The following LRRC61 variants were observed in gnomAD, a reference collection of about 807,000 sequenced individuals.
The protein encoded by LRRC61 is leucine-rich repeat-containing protein 61.
A neutral mutation model predicts 15.1 loss-of-function variants in LRRC61; 9 were observed. That is an observed-to-expected ratio of 0.60 (90% confidence interval 0.36 to 1.04). LRRC61 has a LOEUF of 1.04. Among genes scored for constraint, LRRC61 ranks in the 50% least tolerant of loss-of-function variants. LRRC61 has a pLI of 0.01. For missense variants in LRRC61, 344 were observed against 335.6 expected, an observed-to-expected ratio of 1.03 and a Z score of -0.20; for synonymous variants, 173 against 158.6, an observed-to-expected ratio of 1.09 and a Z score of -0.68.
At chr7:150,321,850 G>A (rs1053258605), upstream of LRRC61, among the ~76,000 whole-genome samples, 1 of 152,240 alleles carries the variant, frequency 6.6e-6, no homozygotes, top group Non-Finnish European at 1.5e-5. Context: ...GACTGGCTTG[G>A]CATTAATTTG....
chr7:150,332,055 A>G (rs2129618313), intron 2 of LRRC61: 1 of 167,196 alleles, frequency 6.0e-6, no homozygotes, highest in East Asian at 1.9e-4. Context: ...CAGCCTCAGT[A>G]GCTTTCCTGG....
the LRRC61 span, among the ~76,000 whole-genome samples, chr7:150,316,142 A>G: frequency 6.6e-6 from 1 of 152,242 alleles, no homozygotes; most frequent in Non-Finnish European, 1.5e-5. Flanking sequence ...GGTTGCAGTG[A>G]GCCGAGATCA....
chr7:150,320,521 G>C (rs1403097402), upstream of LRRC61, among the ~76,000 whole-genome samples: 1 of 152,194 alleles, frequency 6.6e-6, no homozygotes. Context: ...CCAGCACTTC[G>C]GGAGGCTGAG....
At chr7:150,331,125 T>G (rs1212929170) in intron 2 of LRRC61, 2 of 1,605,092 alleles carry the variant, frequency 1.2e-6, no homozygotes, top group Non-Finnish European at 1.7e-6. Flanking sequence ...AAAGCATCTT[T>G]GCCTCCCTGA....
chr7:150,315,219 A>G, the LRRC61 span, among the ~76,000 whole-genome samples: 1 of 151,736 alleles, frequency 6.6e-6, no homozygotes, highest in Admixed American at 6.6e-5. Flanking sequence ...AGCAATGACT[A>G]TAAAAGACTG....
At chr7:150,314,334 A>G in the LRRC61 span, among the ~76,000 whole-genome samples, 2 of 152,172 alleles carry the variant, frequency 1.3e-5, no homozygotes, top group Non-Finnish European at 2.9e-5. Context: ...ACACCTTAGA[A>G]AATGCATTTT....
chr7:150,313,942 TG>T, the LRRC61 span, among the ~76,000 whole-genome samples: 1 of 152,186 alleles, frequency 6.6e-6, no homozygotes, highest in African/African-American at 2.4e-5. Context: ...AAGATGCACC[TG>T]GGTAAGTGTT....
chr7:150,312,684 G>A, the LRRC61 span, among the ~76,000 whole-genome samples: 4 of 152,256 alleles, frequency 2.6e-5, no homozygotes, highest in South Asian at 8.3e-4. Flanking sequence ...TCTTTAAGGT[G>A]TCCATGCAGT....
At chr7:150,310,509 TC>T in the LRRC61 span, among the ~76,000 whole-genome samples, 2 of 144,286 alleles carry the variant, frequency 1.4e-5, no homozygotes, top group African/African-American at 5.9e-5. Context: ...AATCAAATTG[TC>T]CTTCCCAACC....
upstream of LRRC61, among the ~76,000 whole-genome samples, chr7:150,321,288 T>C (rs931109025): frequency 1.5e-4 from 23 of 152,262 alleles, no homozygotes; most frequent in Non-Finnish European, 1.5e-5. Context: ...GCAGCTGTTC[T>C]TGAATAAAGT....
chr7:150,336,245 G>A (rs1798285952), intron 2 of LRRC61, among the ~76,000 whole-genome samples: 1 of 152,190 alleles, frequency 6.6e-6, no homozygotes, highest in Non-Finnish European at 1.5e-5. Context: ...CAGTAATACT[G>A]AGTGAATCAA....
chr7:150,320,648 A>G (rs1300429381), upstream of LRRC61, among the ~76,000 whole-genome samples: 2 of 152,202 alleles, frequency 1.3e-5, no homozygotes, highest in African/African-American at 4.8e-5. Context: ...CTGTAATTCC[A>G]GCTACTTCGA....
rs144138287 is a variant in LRRC61 at position 150,337,391 on chromosome 7, G to A, written c.530G>A (p.Arg177Gln). ...GGTAGTGAGTTCTACCAGCTGTGCC[G>A]AGACCTGGACAGCTCCTTGCGTCCC... ...GRGSEFYQLC[R>Q]DLDSSLRPSS... The change falls in exon 3 of 3, where the codon CGA (arginine) becomes CAA (glutamine). Residue 177 changes from arginine (R) to glutamine (Q), a missense_variant. Transcript: ENST00000359623. The A allele has an allele frequency of 1.0e-5, 16 of 1,605,646 alleles. 1 individual carries two copies. Among genetic ancestry groups the A allele is most frequent in the African/African-American group, 5.3e-5 (4 of 74,932 alleles).
rs1185410539 is a variant in LRRC61, at chr7:150,337,440, C to T, written c.579C>T (p.Ala193=). ...LRPSSSPGPR[A]TEAQPWVEPG... The stretch of plus-strand genomic sequence containing the variant: ...CCAGCTCCAGTCCAGGCCCCAGAGC[C>T]ACCGAGGCCCAGCCCTGGGTGGAGC... The change falls in exon 3 of 3, where the codon GCC becomes GCT. Residue 193 remains alanine, a synonymous_variant. Coordinates refer to ENST00000359623, the MANE Select transcript of LRRC61 (RefSeq NM_001142928.2). The T allele has an allele frequency of 3.1e-6, 5 of 1,604,630 alleles. No homozygotes were observed. Among genetic ancestry groups the T allele is most frequent in the Admixed American group, 1.7e-5 (1 of 60,016 alleles).
rs537027329 is a variant in LRRC61 at position 150,336,755 on chromosome 7, C to G, written c.-107C>G. ...TTCGAGCAGGGCATCGGAACCAGGC[C>G]TCCTGGCACTGGCCTGGGTAGAGCC... On this transcript the variant is annotated 5_prime_UTR_variant, in exon 3 of 3. Transcript: ENST00000359623. 38 of 1,453,094 alleles carry G rather than the reference C, an allele frequency of 2.6e-5. No individual in the cohort carries two copies. The South Asian group carries it at 4.5e-4, about 17-fold the overall frequency. 90.0% of individuals were successfully genotyped at this position (1,453,094 alleles called of 1,614,324 possible).
rs1267879882 is a variant in LRRC61, at chr7:150,323,520, C to T, written c.-355C>T. On this transcript the variant is annotated 5_prime_UTR_variant, in exon 1 of 3. Coordinates refer to ENST00000359623, the MANE Select transcript of LRRC61 (RefSeq NM_001142928.2). The stretch of plus-strand genomic sequence containing the variant: ...TGCGGAGTTGCGCCGGACTTCCCAG[C>T]TTGGCCAGTGGCTCCGCAGGCTGCC... 2.3e-6 allele frequency: 1 copy of T among 438,290 alleles called. No homozygotes were observed. Among genetic ancestry groups the T allele is most frequent in the Admixed American group, 2.5e-5 (1 of 40,400 alleles). The allele number at this position is 438,290 out of a possible 1,614,324, so 27.2% of individuals were successfully genotyped here. A position where few individuals can be genotyped will look rare whatever the true frequency, so the allele number is the denominator to read the frequency against.
rs761791722 is a variant in LRRC61 at position 150,330,988 on chromosome 7, T to C, written c.-145+4978T>C. 43 of 1,611,768 alleles carry C rather than the reference T, an allele frequency of 2.7e-5. No individual in the cohort carries two copies. In the Middle Eastern group the frequency reaches 4.9e-4, roughly 18 times the overall value. On this transcript the variant is annotated intron_variant, in intron 2 of 2. Coordinates refer to ENST00000359623, the MANE Select transcript of LRRC61 (RefSeq NM_001142928.2). This position sits in a 1 kb window ranked among gnomAD's most constrained non-coding sequence, Gnocchi z 4.6. ...ACCAAGAGCCACTGGGCCAGCATCA[T>C]TGTCAAGAAGTATCTGTGGGAGAAT...
intron 2 of LRRC61, among the ~76,000 whole-genome samples, chr7:150,336,470 T>C (rs143386194): frequency 6.6e-5 from 10 of 152,336 alleles, no homozygotes; most frequent in African/African-American, 1.9e-4. Context: ...ACTGGTAATA[T>C]TGGGCCTGAA....
chr7:150,309,879 C>T, the LRRC61 span, among the ~76,000 whole-genome samples: 7 of 152,142 alleles, frequency 4.6e-5, no homozygotes, highest in African/African-American at 1.4e-4. Context: ...CGCCGAGCTT[C>T]GGGTAACTTT....
Sources: gnomAD v4.1 joint callset for allele counts (sites outside exome capture counted in the v4.1 genomes callset) on GRCh38, gnomAD v4.1.1 for gene constraint, Gnocchi (gnomAD v3.1) non-coding constraint, MANE v1.5 for transcripts, NCBI Gene and HGNC (gene_info 2026-07-23, HGNC 2026-07-21) for gene names.